Variants in PRKCE observed in about 807,000 individuals in gnomAD.
The protein encoded by PRKCE is protein kinase C epsilon type.
A neutral mutation model predicts 85.4 loss-of-function variants in PRKCE; 16 were observed. The observed-to-expected ratio is 0.19, with a 90% CI of 0.13 to 0.28. The LOEUF (loss-of-function observed/expected upper bound fraction) is 0.28, where lower values mean the gene tolerates loss of function less well. PRKCE is among the 10% of genes least tolerant of loss of function. The pLI is 1.00. For missense variants in PRKCE, 573 were observed against 975.2 expected (o/e 0.59, Z 5.49); for synonymous variants, 388 against 371.5 (o/e 1.04, Z -0.51).
intron 2 of PRKCE, among the ~76,000 whole-genome samples, chr2:45,911,963 GTGT>G (rs879855332): frequency 1.3e-5 from 2 of 152,044 alleles, no homozygotes; most frequent in African/African-American, 2.4e-5. Context: ...GTATTTTATT[GTGT>G]TGTTGTTGTC....
At chr2:45,872,372 G>C (rs6725406) in intron 2 of PRKCE, among the ~76,000 whole-genome samples, 39,780 of 152,072 alleles carry the variant, frequency 0.26, 5,293 homozygotes, top group East Asian at 0.44. Flanking sequence ...CGGCAGCAGA[G>C]AGCCAGCTCA....
chr2:46,080,807 A>G (rs1668997126), intron 10 of PRKCE, among the ~76,000 whole-genome samples: 1 of 152,224 alleles, frequency 6.6e-6, no homozygotes, highest in African/African-American at 2.4e-5. Context: ...AAAGAACAAA[A>G]GAACCACTCA....
At chr2:46,177,915 G>T (rs563847268) in intron 14 of PRKCE, among the ~76,000 whole-genome samples, 1 of 152,144 alleles carries the variant, frequency 6.6e-6, no homozygotes, top group South Asian at 2.1e-4. Flanking sequence ...TGTTCAGACC[G>T]CAGAGGCAGG....
intron 1 of PRKCE, among the ~76,000 whole-genome samples, chr2:45,777,085 A>G (rs1685809898): frequency 1.3e-5 from 2 of 152,176 alleles, no homozygotes; most frequent in South Asian, 2.1e-4. Context: ...CATCTGCAAA[A>G]TGGGGAATTA....
rs144698972 is a variant in PRKCE, at chr2:45,750,574, G to C, written c.349-92426G>C. 1.8e-3 allele frequency among the ~76,000 whole-genome samples: 279 copies of C among 152,328 alleles called. 2 individuals are homozygous for C. The highest frequency in any genetic ancestry group is 6.5e-3 in the African/African-American group (269 of 41,566). ...CAGACAAGTTATGTGACTTCTCTGAGTCTGTCAAGGTTGTTGCAAGGATTA... is the reference window on the plus strand; with the variant it reads ...CAGACAAGTTATGTGACTTCTCTGACTCTGTCAAGGTTGTTGCAAGGATTA... On this transcript the variant is annotated intron_variant, in intron 1 of 14. Coordinates refer to ENST00000306156, the MANE Select transcript of PRKCE (RefSeq NM_005400.3).
chr2:45,949,155 A>G (rs985683410), intron 2 of PRKCE, among the ~76,000 whole-genome samples: 1 of 152,222 alleles, frequency 6.6e-6, no homozygotes, highest in Non-Finnish European at 1.5e-5. Flanking sequence ...GTTGTAGAAT[A>G]TGCACATCCT....
intron 2 of PRKCE, among the ~76,000 whole-genome samples, chr2:45,889,881 G>T (rs867149252): frequency 6.6e-6 from 1 of 152,198 alleles, no homozygotes; most frequent in East Asian, 1.9e-4. Context: ...TGCATGAGCC[G>T]TGCAGAGGAT....
chr2:45,945,522 A>G (rs1368247401), intron 2 of PRKCE, among the ~76,000 whole-genome samples: 2 of 152,158 alleles, frequency 1.3e-5, no homozygotes, highest in African/African-American at 4.8e-5. Flanking sequence ...TGGGGATTAC[A>G]CTTCAACATC....
chr2:45,657,998 A>G (rs185096205), intron 1 of PRKCE, among the ~76,000 whole-genome samples: 1 of 152,240 alleles, frequency 6.6e-6, no homozygotes, highest in Admixed American at 6.5e-5. Context: ...GATATATGTT[A>G]CTCTAGAGCA....
intron 1 of PRKCE, among the ~76,000 whole-genome samples, chr2:45,824,162 A>G (rs1036581793): frequency 6.6e-6 from 1 of 152,234 alleles, no homozygotes; most frequent in African/African-American, 2.4e-5. Flanking sequence ...TGAGGCAATC[A>G]AAGAGAATCA....
chr2:46,084,710 G>C (rs1185065870), intron 10 of PRKCE, among the ~76,000 whole-genome samples: 1 of 106,064 alleles, frequency 9.4e-6, no homozygotes, highest in East Asian at 2.8e-4. Context: ...AACAGAGCGA[G>C]ACTCCATCAA....
At chr2:46,082,981 T>A (rs2103863599) in intron 10 of PRKCE, among the ~76,000 whole-genome samples, 1 of 152,314 alleles carries the variant, frequency 6.6e-6, no homozygotes, top group Non-Finnish European at 1.5e-5. Flanking sequence ...GGAGTTTCTC[T>A]CTGTCACCCA....
chr2:45,681,288 CAAAAAAAAAAAAAAAA>C (rs10532828), intron 1 of PRKCE, among the ~76,000 whole-genome samples: 11 of 61,780 alleles, frequency 1.8e-4, no homozygotes, highest in African/African-American at 3.8e-4. Flanking sequence ...GACTCTGTCT[CAAAAAAAAAAAAAAAA>C]AAAAAAAAAA....
At chr2:45,863,799 G>T (rs1170453659) in intron 2 of PRKCE, among the ~76,000 whole-genome samples, 1 of 151,942 alleles carries the variant, frequency 6.6e-6, no homozygotes, top group Non-Finnish European at 1.5e-5. Flanking sequence ...GCTTCATCTG[G>T]GTGTGTAGGA....
chr2:45,821,307 A>C (rs1247980306), intron 1 of PRKCE, among the ~76,000 whole-genome samples: 3 of 152,358 alleles, frequency 2.0e-5, no homozygotes, highest in African/African-American at 7.2e-5. Flanking sequence ...TTCTAAGGGA[A>C]GAGACAGACC....
chr2:45,714,009 T>C (rs1481294941), intron 1 of PRKCE, among the ~76,000 whole-genome samples: 1 of 152,250 alleles, frequency 6.6e-6, no homozygotes, highest in Non-Finnish European at 1.5e-5. Context: ...TTCTTTTAAT[T>C]TTACCAAGTA....
At chr2:45,961,242 C>G (rs536274548) in intron 2 of PRKCE, among the ~76,000 whole-genome samples, 4 of 152,186 alleles carry the variant, frequency 2.6e-5, no homozygotes, top group Admixed American at 6.5e-5. Context: ...CCTTTCCCCC[C>G]CCGATTTGGT....
At chr2:45,826,198 A>G (rs1176397956) in intron 1 of PRKCE, among the ~76,000 whole-genome samples, 2 of 152,114 alleles carry the variant, frequency 1.3e-5, no homozygotes, top group South Asian at 2.1e-4. Context: ...TCATTCCTCT[A>G]GTTTCATGGC....
chr2:46,005,768 C>T (rs540428761), intron 8 of PRKCE, among the ~76,000 whole-genome samples: 4 of 152,334 alleles, frequency 2.6e-5, no homozygotes, highest in South Asian at 2.1e-4. Context: ...CTTCGTGCTA[C>T]TCCAATTAAC....
Sources: gnomAD v4.1 joint callset for allele counts (sites outside exome capture counted in the v4.1 genomes callset) on GRCh38, gnomAD v4.1.1 for gene constraint, MANE v1.5 for transcripts, NCBI Gene and HGNC (gene_info 2026-07-23, HGNC 2026-07-21) for gene names.